CCSER1: variants seen among roughly 807,000 people sequenced by gnomAD.
The protein encoded by CCSER1 is coiled-coil serine rich protein 1.
Under a neutral mutation model 82.0 loss-of-function variants are expected in CCSER1, and 41 were observed. That is an observed-to-expected ratio of 0.50 (90% CI 0.39 to 0.65). The LOEUF is 0.65. Ranked by LOEUF, CCSER1 falls within the 30% of genes least tolerant of loss-of-function variation. The pLI is 0.00. For synonymous variants in CCSER1, 414 were observed against 383.9 expected (o/e 1.08, Z -0.92); for missense variants, 1,119 against 1,064.2 (o/e 1.05, Z -0.72).
chr4:90,974,766 T>C (rs1013507703), intron 9 of CCSER1, among the ~76,000 whole-genome samples: 1 of 151,418 alleles, frequency 6.6e-6, no homozygotes, highest in Non-Finnish European at 1.5e-5. Context: ...ACTTCATTGA[T>C]ATGATTATAT....
chr4:90,128,002 T>C (rs2153303574), intron 1 of CCSER1, among the ~76,000 whole-genome samples, 171 bp downstream of exon 1: 1 of 151,532 alleles, frequency 6.6e-6, no homozygotes, highest in East Asian at 2.0e-4. Context: ...CGCAGAGACC[T>C]GGCCTTGCGG....
intron 5 of CCSER1, among the ~76,000 whole-genome samples, chr4:90,587,633 T>C (rs531469846): frequency 6.6e-6 from 1 of 152,326 alleles, no homozygotes; most frequent in South Asian, 2.1e-4. Context: ...GACATATAGT[T>C]AATAAACTGG....
chr4:90,156,239 AGTTT>A (rs1218950072), intron 1 of CCSER1, among the ~76,000 whole-genome samples: 1 of 152,140 alleles, frequency 6.6e-6, no homozygotes, highest in African/African-American at 2.4e-5. Flanking sequence ...TCTGAGAGAC[AGTTT>A]GTTATAATTT....
At chr4:90,815,010 TTTC>T (rs1249454401) in intron 7 of CCSER1, among the ~76,000 whole-genome samples, 1 of 152,116 alleles carries the variant, frequency 6.6e-6, no homozygotes, top group Non-Finnish European at 1.5e-5. Flanking sequence ...TATTATCCAT[TTTC>T]ACATTGCAAT....
At chr4:91,518,920 T>G (rs1365470043) in intron 10 of CCSER1, among the ~76,000 whole-genome samples, 1 of 152,152 alleles carries the variant, frequency 6.6e-6, no homozygotes, top group Non-Finnish European at 1.5e-5. Context: ...CCAGGGAAGA[T>G]GGACTGGACT....
At chr4:90,595,560 A>G (rs1298410096) in intron 5 of CCSER1, among the ~76,000 whole-genome samples, 25 of 151,974 alleles carry the variant, frequency 1.6e-4, no homozygotes, top group Non-Finnish European at 2.9e-5. Context: ...ATTAATTTCA[A>G]CAAAGAATAT....
chr4:91,093,938 G>C (rs1037035720), intron 10 of CCSER1, among the ~76,000 whole-genome samples: 1 of 152,182 alleles, frequency 6.6e-6, no homozygotes, highest in Non-Finnish European at 1.5e-5. Flanking sequence ...TTGCCTTCTG[G>C]TTTTAGGTTT....
At chr4:91,106,434 T>C (rs1196145091) in intron 10 of CCSER1, among the ~76,000 whole-genome samples, 1 of 152,212 alleles carries the variant, frequency 6.6e-6, no homozygotes, top group Non-Finnish European at 1.5e-5. Flanking sequence ...CACAACTGAA[T>C]AATTCTGGAC....
Position 91,496,684 on chromosome 4 carries a change from TATATATATATTCA to T in CCSER1, c.2218-101877_2218-101865del, listed in dbSNP as rs1243398615. ...TATATATATATTCAATATATTTGAA[TATATATATATTCA>T]ATATATATATATATTCAATATATAG... On this transcript the variant is annotated intron_variant, in intron 10 of 10. Coordinates refer to ENST00000509176, the MANE Select transcript of CCSER1 (RefSeq NM_001145065.2). Among the ~76,000 whole-genome samples, 4 of 27,074 alleles carry T rather than the reference TATATATATATTCA, an allele frequency of 1.5e-4. 1 individual carries two copies. The highest frequency in any genetic ancestry group is 3.8e-4 in the African/African-American group (4 of 10,664). 17.8% of individuals were successfully genotyped at this position (27,074 alleles called of 152,430 possible).
intron 5 of CCSER1, among the ~76,000 whole-genome samples, chr4:90,503,383 G>A (rs1403802856): frequency 2.0e-5 from 3 of 152,082 alleles, no homozygotes; most frequent in Non-Finnish European, 2.9e-5. Flanking sequence ...TTTTAACACA[G>A]GGGACCAAAA....
intron 3 of CCSER1, among the ~76,000 whole-genome samples, chr4:90,321,678 C>T (rs1737179108): frequency 2.6e-5 from 4 of 152,222 alleles, no homozygotes; most frequent in African/African-American, 9.6e-5. Context: ...ACCTTTTCAT[C>T]AACAGTGTAC....
Position 90,499,114 on chromosome 4 carries a change from ATG to A in CCSER1, c.1724+30777_1724+30778del, listed in dbSNP as rs3042129. Reference sequence around the variant, plus strand: ...TATGTGTGTGTATATGTATGTGTATATGTGTGTGTGTGTGTGTGCATATGTGT... The same window carrying A: ...TATGTGTGTGTATATGTATGTGTATATGTGTGTGTGTGTGTGCATATGTGT... On this transcript the variant is annotated intron_variant, in intron 5 of 10. Transcript: ENST00000509176. 4.0e-3 allele frequency among the ~76,000 whole-genome samples: 607 copies of A among 150,056 alleles called. 4 individuals are homozygous for A. The highest frequency in any genetic ancestry group is 0.013 in the African/African-American group (522 of 41,046).
At chr4:90,429,093 T>C (rs754874747) in intron 4 of CCSER1, among the ~76,000 whole-genome samples, 1 of 151,834 alleles carries the variant, frequency 6.6e-6, no homozygotes, top group Admixed American at 6.6e-5. Flanking sequence ...TGGGGGGTAT[T>C]ATATAGGAAC....
At chr4:90,560,237 C>G (rs78052145) in intron 5 of CCSER1, among the ~76,000 whole-genome samples, 1 of 151,826 alleles carries the variant, frequency 6.6e-6, no homozygotes. Flanking sequence ...AGGGGGTATC[C>G]CTTGGTGCAC....
At chr4:90,451,359 C>T (rs1761428752) in intron 4 of CCSER1, among the ~76,000 whole-genome samples, 1 of 152,174 alleles carries the variant, frequency 6.6e-6, no homozygotes, top group Non-Finnish European at 1.5e-5. Context: ...TGAAATCCAT[C>T]TGCCAGTCTT....
chr4:90,781,976 A>C, intron 7 of CCSER1: 2 of 883,642 alleles, frequency 2.3e-6, no homozygotes, highest in Non-Finnish European at 2.7e-6. Context: ...TAGGAACAAA[A>C]ATAAAATGAA....
intron 9 of CCSER1, among the ~76,000 whole-genome samples, chr4:91,065,818 T>G (rs578220722): frequency 6.6e-6 from 1 of 152,202 alleles, no homozygotes; most frequent in Non-Finnish European, 1.5e-5. Flanking sequence ...ACTGAAAAAT[T>G]TATAGTCATT....
At chr4:90,744,412 C>T (rs941964568) in intron 7 of CCSER1, among the ~76,000 whole-genome samples, 1 of 152,134 alleles carries the variant, frequency 6.6e-6, no homozygotes, top group African/African-American at 2.4e-5. Context: ...GAGTTTTGGA[C>T]TTTATTTGAA....
Position 91,598,463 on chromosome 4 carries a change from T to C in CCSER1, c.2218-109T>C, listed in dbSNP as rs1054935255. ...TGTATTGATAATTTTATAAACCTCA[T>C]TGAAAATTTACGGGTTCAGACACAA... On this transcript the variant is annotated intron_variant, in intron 10 of 10. Transcript: ENST00000509176. 6 of 1,165,026 alleles carry C rather than the reference T, an allele frequency of 5.2e-6. No homozygotes were observed. In the Admixed American group the frequency reaches 8.8e-5, roughly 17 times the overall value. The allele number at this position is 1,165,026 out of a possible 1,614,324, so 72.2% of individuals were successfully genotyped here. A position where few individuals can be genotyped will look rare whatever the true frequency, so the allele number is the denominator to read the frequency against.
Sources: allele counts gnomAD v4.1 joint callset (sites outside exome capture counted in the v4.1 genomes callset), GRCh38; gene constraint gnomAD v4.1.1; transcripts MANE v1.5; gene names NCBI Gene and HGNC (gene_info 2026-07-23, HGNC 2026-07-21).